The following KAZN variants were observed in gnomAD, a reference collection of about 807,000 sequenced individuals.
KAZN encodes the protein kazrin.
Under a neutral mutation model 87.4 loss-of-function variants are expected in KAZN, and 40 were observed. The ratio of observed to expected loss-of-function variants is 0.46; its 90% CI spans 0.36 to 0.60. The LOEUF is 0.60. Ranked by LOEUF, KAZN falls within the 20% of genes least tolerant of loss-of-function variation. KAZN has a pLI of 0.00. For synonymous variants in KAZN, 466 were observed against 458.3 expected (o/e 1.02, Z -0.22); for missense variants, 898 against 1,073.9 (o/e 0.84, Z 2.29).
At chr1:14,709,442 T>C (rs905435199) in intron 1 of KAZN, among the ~76,000 whole-genome samples, 3 of 152,148 alleles carry the variant, frequency 2.0e-5, no homozygotes, top group African/African-American at 7.2e-5. Flanking sequence ...AAAATTCCAA[T>C]GAGGCAGCTC....
chr1:14,610,192 C>CTGTT (rs59330567), intron 1 of KAZN, among the ~76,000 whole-genome samples: 5,324 of 151,302 alleles, frequency 0.035, 121 homozygotes, highest in African/African-American at 0.049. Context: ...TTCCAATGAC[C>CTGTT]TGTTTGTTTG....
At chr1:14,953,525 A>G (rs1384652825) in intron 1 of KAZN, among the ~76,000 whole-genome samples, 8 of 152,260 alleles carry the variant, frequency 5.3e-5, no homozygotes, top group Non-Finnish European at 1.2e-4. Flanking sequence ...GTGGATGATA[A>G]AATAGGATCT....
intron 2 of KAZN, among the ~76,000 whole-genome samples, chr1:14,414,489 A>T (rs900939123): frequency 6.6e-6 from 1 of 152,228 alleles, no homozygotes; most frequent in African/African-American, 2.4e-5. Flanking sequence ...GACCACATGC[A>T]TCAACATGGA....
intron 1 of KAZN, among the ~76,000 whole-genome samples, chr1:14,039,311 G>C (rs903444060): frequency 6.6e-6 from 1 of 152,126 alleles, no homozygotes; most frequent in Admixed American, 6.6e-5. Flanking sequence ...CTGCCTCCAC[G>C]GTCTCCCTAT....
intron 1 of KAZN, among the ~76,000 whole-genome samples, chr1:14,863,277 G>A (rs1557566278): frequency 6.6e-6 from 1 of 152,174 alleles, no homozygotes; most frequent in Non-Finnish European, 1.5e-5. Context: ...CACCCTGAGT[G>A]CTCCAAGAGT....
chr1:14,384,691 T>G (rs1397023858), intron 2 of KAZN, among the ~76,000 whole-genome samples: 3 of 151,914 alleles, frequency 2.0e-5, no homozygotes, highest in African/African-American at 7.2e-5. Flanking sequence ...GGATAAGCTT[T>G]TTGATGTGCT....
chr1:14,023,569 C>G (rs1260598724), intron 1 of KAZN, among the ~76,000 whole-genome samples: 2 of 152,156 alleles, frequency 1.3e-5, no homozygotes, highest in Non-Finnish European at 2.9e-5. Flanking sequence ...AACCCATAGG[C>G]TGCGCTTCTT....
chr1:14,940,560 T>C (rs183733733), intron 1 of KAZN, among the ~76,000 whole-genome samples: 1 of 152,336 alleles, frequency 6.6e-6, no homozygotes, highest in East Asian at 1.9e-4. Context: ...CAGGGCTTCT[T>C]GCCTTGATCC....
At chr1:13,898,474 A>G (rs1639128416) in intron 1 of KAZN, among the ~76,000 whole-genome samples, 1 of 152,202 alleles carries the variant, frequency 6.6e-6, no homozygotes. Flanking sequence ...TGTGGGCAGA[A>G]AGCATTTCTG....
At chr1:13,965,752 A>T (rs746284742) in intron 1 of KAZN, among the ~76,000 whole-genome samples, 1 of 152,090 alleles carries the variant, frequency 6.6e-6, no homozygotes, top group Non-Finnish European at 1.5e-5. Flanking sequence ...AATTATCTCT[A>T]TTTCCACGGG....
At chr1:13,992,321 T>C (rs750691947) in intron 1 of KAZN, among the ~76,000 whole-genome samples, 10 of 152,160 alleles carry the variant, frequency 6.6e-5, no homozygotes, top group Non-Finnish European at 1.2e-4. Flanking sequence ...CCAAAATTAT[T>C]GTGTGAATGG....
intron 4 of KAZN, among the ~76,000 whole-genome samples, chr1:15,049,310 C>T (rs759724909): frequency 2.6e-5 from 4 of 152,236 alleles, no homozygotes; most frequent in Non-Finnish European, 4.4e-5. Flanking sequence ...TGCTGACGAG[C>T]GCGGCTTCTC....
chr1:14,233,043 G>A (rs1443120184), intron 2 of KAZN, among the ~76,000 whole-genome samples: 1 of 152,172 alleles, frequency 6.6e-6, no homozygotes, highest in East Asian at 1.9e-4. Flanking sequence ...ATCCAGGTTT[G>A]GGGTCACTCT....
At chr1:14,626,658 C>T (rs759942789) in intron 1 of KAZN, among the ~76,000 whole-genome samples, 10 of 152,206 alleles carry the variant, frequency 6.6e-5, no homozygotes, top group South Asian at 2.1e-4. Context: ...AACACCACCT[C>T]GGTGGTTCTC....
At chr1:14,891,354 T>C (rs1654704765) in intron 1 of KAZN, among the ~76,000 whole-genome samples, 1 of 152,180 alleles carries the variant, frequency 6.6e-6, no homozygotes, top group Non-Finnish European at 1.5e-5. Context: ...TGTATCATTC[T>C]TATGCCTTTG....
intron 1 of KAZN, among the ~76,000 whole-genome samples, chr1:14,047,885 A>G (rs929982052): frequency 6.6e-6 from 1 of 151,902 alleles, no homozygotes; most frequent in Non-Finnish European, 1.5e-5. Flanking sequence ...AAGAAAAAAA[A>G]AAATAAAGAA....
chr1:14,499,271 G>A (rs1272870271), intron 2 of KAZN, among the ~76,000 whole-genome samples: 1 of 152,148 alleles, frequency 6.6e-6, no homozygotes, highest in Admixed American at 6.5e-5. Flanking sequence ...AGAAAGCTTA[G>A]ATGCAGAGAC....
chr1:15,109,869 G>A (rs1296447504), intron 13 of KAZN, among the ~76,000 whole-genome samples: 1 of 136,666 alleles, frequency 7.3e-6, no homozygotes, highest in East Asian at 1.9e-4. Context: ...GTATATATGT[G>A]TGTATGTGCA....
In KAZN at chr1:15,050,159, G is replaced by GAAATAGAATAGAATA. The variant is rs201481507; in HGVS notation, c.727-5932_727-5931insAAATAGAATAGAATA. On this transcript the variant is annotated intron_variant, in intron 4 of 14. Transcript: ENST00000376030. Reference sequence around the variant, plus strand: ...TCTCAATAGAATAATAGAATAGAATGGAATAGAATAGAATAGAATAGAATA... The same window carrying GAAATAGAATAGAATA: ...TCTCAATAGAATAATAGAATAGAATGAAATAGAATAGAATAGAATAGAATAGAATAGAATAGAATA... Among the ~76,000 whole-genome samples, 23 of 131,238 alleles carry GAAATAGAATAGAATA rather than the reference G, an allele frequency of 1.8e-4. 3 individuals are homozygous for GAAATAGAATAGAATA. Among genetic ancestry groups the GAAATAGAATAGAATA allele is most frequent in the African/African-American group, 5.7e-4 (20 of 34,812 alleles). The allele number at this position is 131,238 out of a possible 152,430, so 86.1% of individuals were successfully genotyped here. A position where few individuals can be genotyped will look rare whatever the true frequency, so the allele number is the denominator to read the frequency against.
Sources: gnomAD v4.1 joint callset for allele counts (sites outside exome capture counted in the v4.1 genomes callset) on GRCh38, gnomAD v4.1.1 for gene constraint, MANE v1.5 for transcripts, NCBI Gene and HGNC (gene_info 2026-07-23, HGNC 2026-07-21) for gene names.